The following NBPF26 variants were observed in gnomAD, a reference collection of about 807,000 sequenced individuals.
NBPF26 encodes NBPF member 26.
Under a neutral mutation model 119.6 loss-of-function variants are expected in NBPF26, and 79 were observed. The ratio of observed to expected loss-of-function variants is 0.66; its 90% CI spans 0.55 to 0.80. NBPF26 has a LOEUF of 0.80. NBPF26 is among the 30% of genes least tolerant of loss of function. NBPF26 has a pLI of 0.00. For missense variants in NBPF26, 800 were observed against 1,198.2 expected, an observed-to-expected ratio of 0.67 and a Z score of 4.91; for synonymous variants, 299 against 457.7, an observed-to-expected ratio of 0.65 and a Z score of 4.43.
intron 4 of NBPF26, among the ~76,000 whole-genome samples, chr1:120,802,630 C>T (rs1651595241): frequency 1.7e-5 from 2 of 119,194 alleles, no homozygotes; most frequent in Admixed American, 8.0e-5. Flanking sequence ...GCCAATCTTT[C>T]CTAAGCTGCT....
rs1487325463 is a variant in NBPF26, at chr1:120,755,934, T to C, written c.74-7694T>C. On this transcript the variant is annotated intron_variant, in intron 1 of 29. Coordinates refer to ENST00000620612, the Ensembl canonical transcript of NBPF26. ...ACAAAATCGATTTATCTCTTATTGC[T>C]TTTTTTTTTTTTTTTTTTTTTCCTT... is the stretch of plus-strand genomic sequence containing the variant. 2.2e-5 allele frequency among the ~76,000 whole-genome samples: 2 copies of C among 92,352 alleles called. 1 individual carries two copies. Among genetic ancestry groups the C allele is most frequent in the Non-Finnish European group, 3.9e-5 (2 of 51,124 alleles). 60.6% of individuals were successfully genotyped at this position (92,352 alleles called of 152,430 possible). A position where few individuals can be genotyped will look rare whatever the true frequency, so the allele number is the denominator to read the frequency against.
intron 10 of NBPF26, among the ~76,000 whole-genome samples, chr1:120,813,238 C>T (rs1392249421): frequency 6.6e-4 from 81 of 123,546 alleles, no homozygotes; most frequent in African/African-American, 3.2e-3. Context: ...TATTTCTTGT[C>T]AATCTCCTAG....
intron 5 of NBPF26, among the ~76,000 whole-genome samples, chr1:120,806,322 A>T (rs1651682008): frequency 8.7e-6 from 1 of 114,400 alleles, no homozygotes; most frequent in African/African-American, 4.4e-5. Context: ...GGGCCGTGCA[A>T]CGTGGCTCAC....
At chr1:120,840,002 G>T (rs1297216377) in intron 29 of NBPF26, among the ~76,000 whole-genome samples, 3 of 54,130 alleles carry the variant, frequency 5.5e-5, no homozygotes, top group Non-Finnish European at 9.4e-5. Context: ...CATATTTTAT[G>T]GAAAACTATT....
chr1:120,812,646 C>G (rs1317020397), intron 10 of NBPF26, among the ~76,000 whole-genome samples: 5 of 57,740 alleles, frequency 8.7e-5, no homozygotes, highest in Non-Finnish European at 1.5e-4. Flanking sequence ...GAGTAGGGGC[C>G]GTGCATGGTG....
intron 4 of NBPF26, among the ~76,000 whole-genome samples, chr1:120,801,778 A>G (rs1651584730): frequency 1.1e-5 from 1 of 88,680 alleles, no homozygotes; most frequent in Non-Finnish European, 2.0e-5. Flanking sequence ...GCAGTGATCT[A>G]TAATCACCAC....
Position 120,777,457 on chromosome 1 carries a change from G to A in NBPF26, c.156-7517G>A, listed in dbSNP as rs1326386255. Among the ~76,000 whole-genome samples, 11 of 105,946 alleles carry A rather than the reference G, an allele frequency of 1.0e-4. 2 individuals are homozygous for A. Among genetic ancestry groups the A allele is most frequent in the East Asian group, 2.4e-4 (1 of 4,180 alleles). The allele number at this position is 105,946 out of a possible 152,430, so 69.5% of individuals were successfully genotyped here. A position where few individuals can be genotyped will look rare whatever the true frequency, so the allele number is the denominator to read the frequency against. ...TAAAAGTGTGTATGTGTGTGTGTAC[G>A]TGTGTGAGAGTGAGAGATTGTATAC... On this transcript the variant is annotated intron_variant, in intron 2 of 29. Transcript: ENST00000620612.
exon 4 of NBPF26, chr1:120,793,254 G>A: frequency 1.4e-6 from 2 of 1,423,264 alleles, no homozygotes; most frequent in South Asian, 1.2e-5. Flanking sequence ...TCCTGCAAAT[G>A]CCTCACAGGC....
rs1439752939 is a variant in NBPF26, at chr1:120,767,505, ACT to A, written c.155+3797_155+3798del. Among the ~76,000 whole-genome samples the A allele has an allele frequency of 2.9e-5, 2 of 68,142 alleles. 1 individual carries two copies. The highest frequency in any genetic ancestry group is 6.0e-4 in the East Asian group (2 of 3,340). 44.7% of individuals were successfully genotyped at this position (68,142 alleles called of 152,430 possible). A position where few individuals can be genotyped will look rare whatever the true frequency, so the allele number is the denominator to read the frequency against. ...GTACTCAGCTCCACTGTTTTTTCTC[ACT>A]GTTAGGAGCCTAAGTACCCTATCAG... On this transcript the variant is annotated intron_variant, in intron 2 of 29. Coordinates refer to ENST00000620612, the Ensembl canonical transcript of NBPF26.
intron 1 of NBPF26, among the ~76,000 whole-genome samples, chr1:120,729,730 A>G (rs1370693951): frequency 8.5e-6 from 1 of 117,256 alleles, no homozygotes; most frequent in Non-Finnish European, 1.6e-5. Context: ...TATGATAAGA[A>G]TAGCTCAGGT....
Position 120,815,214 on chromosome 1 carries a change from G to T in NBPF26, c.2092+171G>T, listed in dbSNP as rs1444870559. On this transcript the variant is annotated intron_variant, in intron 12 of 29. Transcript: ENST00000620612. The stretch of plus-strand genomic sequence containing the variant: ...AAGAACAGAGATGGGAAACCCATGG[G>T]GTTGGAGGTCACAGTATTGCAAGTG... Among the ~76,000 whole-genome samples the T allele has an allele frequency of 2.7e-5, 3 of 111,448 alleles. 1 individual carries two copies. The highest frequency in any genetic ancestry group is 1.1e-4 in the African/African-American group (2 of 18,004). 73.1% of individuals were successfully genotyped at this position (111,448 alleles called of 152,430 possible).
rs1450127196 is a variant in NBPF26, at chr1:120,810,662, A to G, written c.1564+104A>G. ...CATATTGTTATTGTTTTAGTCAGAA[A>G]CTGGGATGGAGCTAGGTGCTGTGAC... On this transcript the variant is annotated intron_variant, in intron 9 of 29. Transcript: ENST00000620612. 23 of 1,297,002 alleles carry G rather than the reference A, an allele frequency of 1.8e-5. 5 individuals are homozygous for G. Among genetic ancestry groups the G allele is most frequent in the Non-Finnish European group, 3.2e-6 (3 of 949,598 alleles). 80.3% of individuals were successfully genotyped at this position (1,297,002 alleles called of 1,614,324 possible).
chr1:120,814,672 T>C (rs1651965403), intron 11 of NBPF26, among the ~76,000 whole-genome samples, 157 bp from the exon 12 acceptor site: 1 of 124,024 alleles, frequency 8.1e-6, no homozygotes, highest in East Asian at 2.0e-4. Context: ...AACCATTTTC[T>C]ATTCTTTCTC....
rs1263881269 is a variant in NBPF26 at position 120,813,332 on chromosome 1, G to T, written c.1775-559G>T. 3.9e-5 allele frequency among the ~76,000 whole-genome samples: 5 copies of T among 127,680 alleles called. 2 individuals are homozygous for T. The highest frequency in any genetic ancestry group is 1.9e-4 in the African/African-American group (5 of 26,624). The allele number at this position is 127,680 out of a possible 152,430, so 83.8% of individuals were successfully genotyped here. A position where few individuals can be genotyped will look rare whatever the true frequency, so the allele number is the denominator to read the frequency against. On this transcript the variant is annotated intron_variant, in intron 10 of 29. Coordinates refer to ENST00000620612, the Ensembl canonical transcript of NBPF26. ...ATTAACACAAACTTTATTAACATTT[G>T]GGCATATTTCCTTCATGGCCTAATG...
Position 120,729,033 on chromosome 1 carries a change from G to T in NBPF26, c.73+4783G>T, listed in dbSNP as rs1243063348. 5.2e-5 allele frequency among the ~76,000 whole-genome samples: 6 copies of T among 116,062 alleles called. 2 individuals carry two copies. The highest frequency in any genetic ancestry group is 3.1e-4 in the African/African-American group (6 of 19,378). The allele number at this position is 116,062 out of a possible 152,430, so 76.1% of individuals were successfully genotyped here. On this transcript the variant is annotated intron_variant, in intron 1 of 29. Transcript: ENST00000620612. Reference sequence around the variant, plus strand: ...CAAATTCAGAGTCAACTGAGTGGCAGGTCTTAGTCACAGCATCTATGACTC... The same window carrying T: ...CAAATTCAGAGTCAACTGAGTGGCATGTCTTAGTCACAGCATCTATGACTC...
At position 120,811,194 on chromosome 1, in the gene NBPF26, G is replaced by A. The variant is rs1651855567; in HGVS notation, c.1564+636G>A. On this transcript the variant is annotated intron_variant, in intron 9 of 29. Coordinates refer to ENST00000620612, the Ensembl canonical transcript of NBPF26. ...ACCCAGGAACCGGAGCTTGCAGTGA[G>A]CCAAGATTGTGCCACTGCACTCCAG... 4.7e-5 allele frequency among the ~76,000 whole-genome samples: 5 copies of A among 105,438 alleles called. 1 individual carries two copies. The South Asian group carries it at 1.1e-3, about 23-fold the overall frequency. The allele number at this position is 105,438 out of a possible 152,430, so 69.2% of individuals were successfully genotyped here.
chr1:120,840,716 T>C (rs1464104809), downstream of NBPF26: 18 of 1,220,018 alleles, frequency 1.5e-5, 2 homozygotes, highest in Non-Finnish European at 2.0e-5. Flanking sequence ...TGGGCATGGC[T>C]CTATTCCTAT....
rs1388479336 is a variant in NBPF26, at chr1:120,793,321, C to T, written c.576C>T (p.Cys192=). ...ATGAGTGTGACATTCCAGGACACTG[C>T]CAGCATGGTGGCACCTGCCTCAACC... Residue 192 remains cysteine, a synonymous_variant, in exon 4 of 30, where the codon TGC becomes TGT. Coordinates refer to ENST00000620612, the Ensembl canonical transcript of NBPF26. 4 of 1,405,698 alleles carry T rather than the reference C, an allele frequency of 2.8e-6. 1 individual carries two copies. Among genetic ancestry groups the T allele is most frequent in the African/African-American group, 5.5e-5 (2 of 36,596 alleles). 87.1% of individuals were successfully genotyped at this position (1,405,698 alleles called of 1,614,324 possible).
intron 23 of NBPF26, among the ~76,000 whole-genome samples, chr1:120,833,383 C>A (rs1365150776): frequency 1.3e-5 from 1 of 78,848 alleles, no homozygotes; most frequent in African/African-American, 1.4e-4. Context: ...GTCTCTGTCT[C>A]TCTCTCTGTC....
Sources: gnomAD v4.1 joint callset for allele counts (sites outside exome capture counted in the v4.1 genomes callset) on GRCh38, gnomAD v4.1.1 for gene constraint, MANE v1.5 for transcripts, NCBI Gene and HGNC (gene_info 2026-07-23, HGNC 2026-07-21) for gene names.